GARNL3: variants seen among roughly 807,000 people sequenced by gnomAD.
The protein encoded by GARNL3 is GTPase-activating Rap/Ran-GAP domain-like protein 3.
In GARNL3, 63 loss-of-function variants were observed where a neutral mutation model predicts 125.0. The ratio of observed to expected loss-of-function variants is 0.50; its 90% CI spans 0.41 to 0.62. The LOEUF (loss-of-function observed/expected upper bound fraction) is 0.62. Ranked by LOEUF, GARNL3 falls within the 20% of genes least tolerant of loss-of-function variation. The pLI is 0.00. For synonymous variants in GARNL3, 439 were observed against 457.5 expected, an observed-to-expected ratio of 0.96 and a Z score of 0.52; for missense variants, 994 against 1,244.0, an observed-to-expected ratio of 0.80 and a Z score of 3.02.
chr9:127,307,887 T>C lies in GARNL3; in HGVS notation c.220-3749T>C, dbSNP rs558775115. 4.6e-5 allele frequency among the ~76,000 whole-genome samples: 7 copies of C among 152,324 alleles called. No homozygotes were observed. In the South Asian group the frequency reaches 1.5e-3, roughly 32 times the overall value. ...TGTAGGATCCAAGGCCTTGGGACCA[T>C]GACACCAACCACTGTGGAGTCTGGC... On this transcript the variant is annotated intron_variant, in intron 2 of 27. Coordinates refer to ENST00000373387, the MANE Select transcript of GARNL3 (RefSeq NM_032293.5).
intron 2 of GARNL3, among the ~76,000 whole-genome samples, chr9:127,309,647 A>C (rs571622000): frequency 2.0e-5 from 3 of 152,244 alleles, no homozygotes; most frequent in Non-Finnish European, 4.4e-5. Context: ...AGAACCTTTC[A>C]ATGCCAGAAG....
chr9:127,343,789 A>G (rs775759044), intron 14 of GARNL3, among the ~76,000 whole-genome samples: 8 of 152,194 alleles, frequency 5.3e-5, no homozygotes, highest in Non-Finnish European at 1.0e-4. Context: ...CCACACAAAG[A>G]CACTGAGATT....
chr9:127,348,178 G>A (rs1564165134), intron 16 of GARNL3, among the ~76,000 whole-genome samples: 1 of 152,158 alleles, frequency 6.6e-6, no homozygotes, highest in Non-Finnish European at 1.5e-5. Context: ...CTTATCCAGT[G>A]CTTTGGAGGG....
At chr9:127,357,402 G>C (rs773297712) in intron 21 of GARNL3, 25 bp downstream of exon 21, 10 of 1,609,712 alleles carry the variant, frequency 6.2e-6, no homozygotes, top group Non-Finnish European at 7.6e-6. Flanking sequence ...GTGGGGACAA[G>C]TGAGAATCAG....
rs1046570680 is a variant in GARNL3 at position 127,324,464 on chromosome 9, G to C, written c.568-605G>C. Among the ~76,000 whole-genome samples, 2 of 152,032 alleles carry C rather than the reference G, an allele frequency of 1.3e-5. 1 individual carries two copies. Among genetic ancestry groups the C allele is most frequent in the South Asian group, 4.1e-4 (2 of 4,822 alleles). ...CCTCCGTGCCTCCATCCTGACCCTC[G>C]TCGCCTCTGCACTGTCCCCATGGCT... On this transcript the variant is annotated intron_variant, in intron 6 of 27. Coordinates refer to ENST00000373387, the MANE Select transcript of GARNL3 (RefSeq NM_032293.5).
chr9:127,263,900 G>A (rs2063645354), upstream of GARNL3: 2 of 1,447,392 alleles, frequency 1.4e-6, no homozygotes, highest in South Asian at 2.9e-5. Flanking sequence ...CAGAGAGTCA[G>A]TTCTCTGGTT....
chr9:127,375,479 A>G lies in GARNL3; in HGVS notation c.2162-7959A>G, dbSNP rs1025724825. On this transcript the variant is annotated intron_variant, in intron 22 of 27. Coordinates refer to ENST00000373387, the MANE Select transcript of GARNL3 (RefSeq NM_032293.5). ...AGACTCTGTCTCAGAAAAAAAAAAA[A>G]AAAAGAAAAGAAAGAAATGAAAGCA... Among the ~76,000 whole-genome samples the G allele has an allele frequency of 8.3e-4, 126 of 152,060 alleles. 2 individuals carry two copies. The highest frequency in any genetic ancestry group is 1.6e-3 in the African/African-American group (66 of 41,462).
intron 22 of GARNL3, among the ~76,000 whole-genome samples, chr9:127,380,699 T>C: frequency 6.6e-6 from 1 of 152,166 alleles, no homozygotes; most frequent in Non-Finnish European, 1.5e-5. Flanking sequence ...TGTTGCATGA[T>C]GCAATTTATA....
At position 127,302,902 on chromosome 9, in the gene GARNL3, A is replaced by G. The variant is rs563982650; in HGVS notation, c.220-8734A>G. 2.3e-3 allele frequency among the ~76,000 whole-genome samples: 346 copies of G among 152,372 alleles called. 1 individual carries two copies. Among genetic ancestry groups the G allele is most frequent in the Non-Finnish European group, 4.0e-3 (273 of 68,042 alleles). On this transcript the variant is annotated intron_variant, in intron 2 of 27. Transcript: ENST00000373387. Reference sequence around the variant, plus strand: ...CATGGTGGCTCACGCCTGTAATCCCAGCACTTTGGGAGGCCGAGGTGGGTG... The same window carrying G: ...CATGGTGGCTCACGCCTGTAATCCCGGCACTTTGGGAGGCCGAGGTGGGTG...
At chr9:127,229,126 G>A (rs2062960926) in intron 1 of GARNL3, among the ~76,000 whole-genome samples, 1 of 152,070 alleles carries the variant, frequency 6.6e-6, no homozygotes. Flanking sequence ...GCCTGGCTCT[G>A]TTTATGCTTA....
intron 4 of GARNL3, 58 bp from the exon 5 acceptor site, chr9:127,318,005 T>C (rs1238058658): frequency 1.0e-6 from 1 of 998,510 alleles, no homozygotes; most frequent in East Asian, 2.4e-5. Context: ...CCCGAGAGGC[T>C]CTTTTGGAGA....
At chr9:127,276,130 C>T (rs2063949002) in intron 1 of GARNL3, among the ~76,000 whole-genome samples, 1 of 144,344 alleles carries the variant, frequency 6.9e-6, no homozygotes, top group South Asian at 2.2e-4. Flanking sequence ...TCAACTCTGC[C>T]TTTTTTTTTT....
rs1348211622 is a variant in GARNL3, at chr9:127,336,153, A to G, written c.899A>G (p.Asn300Ser). Residue 300 changes from asparagine to serine, a missense_variant, in exon 11 of 28, where the codon AAC becomes AGC. Asn to Ser is a conservative substitution (Grantham distance 46, BLOSUM62 1). Around this residue, in one of 5 missense-constraint regions of GARNL3, gnomAD observed 19 missense variants for 46.4 expected, o/e 0.41. Coordinates refer to ENST00000373387, the MANE Select transcript of GARNL3 (RefSeq NM_032293.5). ...GTGGAAAGGAAACGCCACATTGGAAACGATATCGTCACCATTGTGTTCCAA... is the reference window on the plus strand; with the variant it reads ...GTGGAAAGGAAACGCCACATTGGAAGCGATATCGTCACCATTGTGTTCCAA... ...QQVERKRHIG[N>S]DIVTIVFQEG... 6.2e-7 allele frequency: 1 copy of G among 1,613,956 alleles called. No homozygotes were observed. The highest frequency in any genetic ancestry group is 8.5e-7 in the Non-Finnish European group (1 of 1,179,864).
intron 2 of GARNL3, among the ~76,000 whole-genome samples, chr9:127,254,657 C>G (rs377748987): frequency 1.3e-5 from 2 of 151,742 alleles, no homozygotes; most frequent in Non-Finnish European, 1.5e-5. Context: ...TAATCCCAGC[C>G]ACTCGGGAGA....
chr9:127,353,053 G>T (rs966277570), intron 17 of GARNL3, among the ~76,000 whole-genome samples: 2 of 152,064 alleles, frequency 1.3e-5, no homozygotes, highest in Non-Finnish European at 2.9e-5. Flanking sequence ...AGCCCCCTGT[G>T]TCCTCGGAGC....
intron 22 of GARNL3, among the ~76,000 whole-genome samples, chr9:127,374,921 A>AAAAACAAC (rs1831811625): frequency 3.3e-5 from 5 of 151,902 alleles, no homozygotes; most frequent in Admixed American, 2.0e-4. Context: ...AAAAAAAAAA[A>AAAAACAAC]AAAACAACAA....
intron 1 of GARNL3, among the ~76,000 whole-genome samples, chr9:127,237,858 A>G (rs1263824808): frequency 6.6e-6 from 1 of 152,216 alleles, no homozygotes; most frequent in Non-Finnish European, 1.5e-5. Flanking sequence ...CTCTAGAAGC[A>G]CTGCCAGCCA....
intron 22 of GARNL3, among the ~76,000 whole-genome samples, chr9:127,381,433 C>T (rs1308859969): frequency 2.0e-5 from 3 of 151,810 alleles, no homozygotes; most frequent in Non-Finnish European, 4.4e-5. Context: ...ATTTTGTGAA[C>T]TAAAATGCAT....
intron 17 of GARNL3, among the ~76,000 whole-genome samples, chr9:127,353,244 G>C (rs972260753): frequency 6.6e-6 from 1 of 152,066 alleles, no homozygotes; most frequent in Non-Finnish European, 1.5e-5. Flanking sequence ...CTTTATTTAT[G>C]TTTTTGTCTA....
Sources: allele counts gnomAD v4.1 joint callset (sites outside exome capture counted in the v4.1 genomes callset), GRCh38; gene constraint gnomAD v4.1.1; regional missense constraint gnomAD v4.1.1; transcripts MANE v1.5; gene names NCBI Gene and HGNC (gene_info 2026-07-23, HGNC 2026-07-21).